DOC2A: variants seen among roughly 807,000 people sequenced by gnomAD.
DOC2A encodes the protein double C2 domain alpha.
DOC2A carries 28 observed loss-of-function variants against 40.6 expected under a neutral mutation model. The ratio of observed to expected loss-of-function variants is 0.69; its 90% CI spans 0.51 to 0.95. The LOEUF is 0.95. DOC2A is among the 40% of genes least tolerant of loss of function. The pLI, the probability that DOC2A is intolerant of heterozygous loss-of-function variation, is 0.00. For missense variants in DOC2A, 474 were observed against 552.5 expected (o/e 0.86, Z 1.42); for synonymous variants, 241 against 236.9 (o/e 1.02, Z -0.16).
chr16:30,010,342 TAGGTGTCGAG>T lies in DOC2A; in HGVS notation c.-13-117_-13-108del. ...TGGGGCCCTCACTGGCCTCCCTTCC[TAGGTGTCGAG>T]GGAGAGGGTGGTGTGTGCCAGCCGG... is the stretch of plus-strand genomic sequence containing the variant. On this transcript the variant is annotated intron_variant, in intron 1 of 10. Transcript: ENST00000350119. This position sits in a 1 kb window ranked among gnomAD's most constrained non-coding sequence, Gnocchi z 4.2. The T allele has an allele frequency of 6.8e-7, 1 of 1,474,698 alleles. No homozygotes were observed. Among genetic ancestry groups the T allele is most frequent in the Non-Finnish European group, 9.3e-7 (1 of 1,069,654 alleles). 91.4% of individuals were successfully genotyped at this position (1,474,698 alleles called of 1,614,324 possible).
Position 30,006,018 on chromosome 16 carries a change from A to G in DOC2A, c.*168T>C. The G allele has an allele frequency of 2.7e-6, 2 of 737,682 alleles. No homozygotes were observed. Among genetic ancestry groups the G allele is most frequent in the Non-Finnish European group, 4.3e-6 (2 of 461,906 alleles). The allele number at this position is 737,682 out of a possible 1,614,324, so 45.7% of individuals were successfully genotyped here. A position where few individuals can be genotyped will look rare whatever the true frequency, so the allele number is the denominator to read the frequency against. ...GCAGGAGGTTTGCATATGTGAATAT[A>G]GAACTCCGCAGCCCCTCATGAGCAG... On this transcript the variant is annotated 3_prime_UTR_variant, in exon 11 of 11. Transcript: ENST00000350119. This position sits in a 1 kb window ranked among gnomAD's most constrained non-coding sequence, Gnocchi z 6.2.
At position 30,009,943 on chromosome 16, in the gene DOC2A, C is replaced by T. The variant is rs747854031; in HGVS notation, c.262+18G>A. The T allele has an allele frequency of 5.0e-6, 8 of 1,610,886 alleles. No homozygotes were observed. Among genetic ancestry groups the T allele is most frequent in the Non-Finnish European group, 6.8e-6 (8 of 1,179,646 alleles). On this transcript the variant is annotated intron_variant, in intron 2 of 10. Transcript: ENST00000350119. The surrounding 1 kb of genome is among the most constrained non-coding windows in gnomAD (Gnocchi z 4.1). Reference sequence around the variant, plus strand: ...AGACCCCCACCAGCACATGGGGCCTCCAAGCCCCCAGACTCACTGGCATCA... The same window carrying T: ...AGACCCCCACCAGCACATGGGGCCTTCAAGCCCCCAGACTCACTGGCATCA...
chr16:30,010,955 G>A lies in DOC2A; in HGVS notation c.-66C>T. 9.9e-7 allele frequency: 1 copy of A among 1,011,396 alleles called. No homozygotes were observed. The highest frequency in any genetic ancestry group is 1.2e-6 in the Non-Finnish European group (1 of 845,644). The allele number at this position is 1,011,396 out of a possible 1,614,324, so 62.7% of individuals were successfully genotyped here. ...TGGGGGGACGGCGGGCGCAGGCTGG[G>A]CGGCGGCGGCCGGCGAGGAGAGCGC... On this transcript the variant is annotated 5_prime_UTR_variant, in exon 1 of 11. Coordinates refer to ENST00000350119, the MANE Select transcript of DOC2A (RefSeq NM_003586.3). This position sits in a 1 kb window ranked among gnomAD's most constrained non-coding sequence, Gnocchi z 4.2.
chr16:30,006,212 C>T lies in DOC2A; in HGVS notation c.1177G>A (p.Ala393Thr). ...CAGGCTGAGGACAGAGCCCCGGCCG[C>T]AGGGGGCAGCTCACTGGTCAGGGTG... ...WHTLTSELPP[A>T]AGALSSA is the part of the protein sequence containing the mutation. Residue 393 changes from alanine to threonine, a missense_variant, in exon 11 of 11, where the codon GCG becomes ACG. Ala to Thr is a moderately conservative substitution (Grantham distance 58, BLOSUM62 0). Coordinates refer to ENST00000350119, the MANE Select transcript of DOC2A (RefSeq NM_003586.3). The surrounding 1 kb of genome is among the most constrained non-coding windows in gnomAD (Gnocchi z 6.2). The T allele has an allele frequency of 6.3e-7, 1 of 1,587,444 alleles. No homozygotes were observed. The highest frequency in any genetic ancestry group is 8.6e-7 in the Non-Finnish European group (1 of 1,168,372).
chr16:30,007,299 C>T lies in DOC2A; in HGVS notation c.528G>A (p.Arg176=). 3.7e-6 allele frequency: 6 copies of T among 1,613,812 alleles called. No homozygotes were observed. The highest frequency in any genetic ancestry group is 5.1e-6 in the Non-Finnish European group (6 of 1,180,036). ...GCTTGTCCTCATCACAGACGGCGATCCTGGTCGGGAACTGCAGTGTCAGGG... is the reference window on the plus strand; with the variant it reads ...GCTTGTCCTCATCACAGACGGCGATTCTGGTCGGGAACTGCAGTGTCAGGG... The part of the protein sequence containing the change: ...TDDDITHKVL[R]IAVCDEDKLS... Residue 176 remains arginine (R), a splice_region_variant and synonymous_variant, in exon 6 of 11, where the codon AGG becomes AGA. Coordinates refer to ENST00000350119, the MANE Select transcript of DOC2A (RefSeq NM_003586.3).
At chr16:30,018,353 C>A (rs1394607696) in intron 1 of DOC2A, among the ~76,000 whole-genome samples, 1 of 151,902 alleles carries the variant, frequency 6.6e-6, no homozygotes, top group Non-Finnish European at 1.5e-5. Flanking sequence ...AGATGGGATT[C>A]TCTGTCACCC....
rs369857979 is a variant in DOC2A, at chr16:30,009,019, G to A, written c.504C>T (p.Asp168=). Reference sequence around the variant, plus strand: ...ACCTGAGCACCTTGTGCGTGATGTCGTCATCTGTGATCCCGCTGTAAGTCA... The same window carrying A: ...ACCTGAGCACCTTGTGCGTGATGTCATCATCTGTGATCCCGCTGTAAGTCA... ...EDLTYSGITD[D]DITHKVLRIA... is the part of the protein sequence containing the mutation. Residue 168 remains aspartate, a synonymous_variant, in exon 5 of 11, where the codon GAC becomes GAT. Coordinates refer to ENST00000350119, the MANE Select transcript of DOC2A (RefSeq NM_003586.3). This position sits in a 1 kb window ranked among gnomAD's most constrained non-coding sequence, Gnocchi z 4.1. 5.8e-5 allele frequency: 93 copies of A among 1,613,542 alleles called. No homozygotes were observed. Among genetic ancestry groups the A allele is most frequent in the Middle Eastern group, 1.7e-4 (1 of 5,876 alleles).
rs201903058 is a variant in DOC2A, at chr16:30,010,087, C to T, written c.136G>A (p.Gly46Ser). Residue 46 changes from glycine (G) to serine (S), a missense_variant, in exon 2 of 11, where the codon GGC becomes AGC. Gly to Ser is a moderately conservative substitution (Grantham distance 56). Coordinates refer to ENST00000350119, the MANE Select transcript of DOC2A (RefSeq NM_003586.3). This position sits in a 1 kb window ranked among gnomAD's most constrained non-coding sequence, Gnocchi z 4.2. ...GCGGGGGCCTCCCCGCCGCCCCCGC[C>T]GCCCCCTTCAGGTCCTGGTCCCCGG... ...FPRGPGPEGG[G>S]GGGGEAPAHL... 2.3e-5 allele frequency: 37 copies of T among 1,612,548 alleles called. No individual in the cohort carries two copies. The highest frequency in any genetic ancestry group is 1.3e-4 in the East Asian group (6 of 44,862).
chr16:30,010,034 G>A lies in DOC2A; in HGVS notation c.189C>T (p.Pro63=). The change falls in exon 2 of 11, where the codon CCC becomes CCT. Residue 63 remains proline, a synonymous_variant. Coordinates refer to ENST00000350119, the MANE Select transcript of DOC2A (RefSeq NM_003586.3). The surrounding 1 kb of genome is among the most constrained non-coding windows in gnomAD (Gnocchi z 4.2). ...TGGTGGCCCCAAGGAGGGCTGCAGG[G>A]GGGGCCAGAGCCAGGGGGACCAGAT... The part of the protein sequence containing the change: ...PAHLVPLALA[P]PAALLGATTP... The A allele has an allele frequency of 6.2e-7, 1 of 1,612,106 alleles. No individual in the cohort carries two copies. The highest frequency in any genetic ancestry group is 8.5e-7 in the Non-Finnish European group (1 of 1,179,672).
At position 30,005,859 on chromosome 16, in the gene DOC2A, C is replaced by T; in HGVS notation, c.*327G>A. The T allele has an allele frequency of 2.1e-6, 1 of 486,622 alleles. No homozygotes were observed. The highest frequency in any genetic ancestry group is 3.7e-6 in the Non-Finnish European group (1 of 273,594). The allele number at this position is 486,622 out of a possible 1,614,324, so 30.1% of individuals were successfully genotyped here. A position where few individuals can be genotyped will look rare whatever the true frequency, so the allele number is the denominator to read the frequency against. On this transcript the variant is annotated 3_prime_UTR_variant, in exon 11 of 11. Transcript: ENST00000350119. ...AACCTCCCCTAATCCGACCTCCTCC[C>T]TGTTGGGGGAGAGGGACGGGGCAGC...
Position 30,010,783 on chromosome 16 carries a change from G to T in DOC2A, c.-14+120C>A. On this transcript the variant is annotated intron_variant, in intron 1 of 10. Coordinates refer to ENST00000350119, the MANE Select transcript of DOC2A (RefSeq NM_003586.3). The surrounding 1 kb of genome is among the most constrained non-coding windows in gnomAD (Gnocchi z 4.2). ...ACCCCAGCCTCAGATGCCACCTCTG[G>T]CTCCTCAGGGGAGCCAGAAATTGCA... 1 of 732,082 alleles carries T rather than the reference G, an allele frequency of 1.4e-6. No homozygotes were observed. The highest frequency in any genetic ancestry group is 1.7e-6 in the Non-Finnish European group (1 of 590,750). 45.3% of individuals were successfully genotyped at this position (732,082 alleles called of 1,614,324 possible). A position where few individuals can be genotyped will look rare whatever the true frequency, so the allele number is the denominator to read the frequency against.
At position 30,010,033 on chromosome 16, in the gene DOC2A, G is replaced by C. The variant is rs745882272; in HGVS notation, c.190C>G (p.Pro64Ala). 9 of 1,612,034 alleles carry C rather than the reference G, an allele frequency of 5.6e-6. No individual in the cohort carries two copies. The highest frequency in any genetic ancestry group is 1.7e-5 in the Admixed American group (1 of 59,990). ...AHLVPLALAP[P>A]AALLGATTPE... Reference sequence around the variant, plus strand: ...GTGGTGGCCCCAAGGAGGGCTGCAGGGGGGGCCAGAGCCAGGGGGACCAGA... The same window carrying C: ...GTGGTGGCCCCAAGGAGGGCTGCAGCGGGGGCCAGAGCCAGGGGGACCAGA... The change falls in exon 2 of 11, where the codon CCT becomes GCT. Residue 64 changes from proline to alanine, a missense_variant. Transcript: ENST00000350119. This position sits in a 1 kb window ranked among gnomAD's most constrained non-coding sequence, Gnocchi z 4.2.
chr16:30,015,469 T>C (rs1334384783), upstream of DOC2A, among the ~76,000 whole-genome samples: 2 of 152,008 alleles, frequency 1.3e-5, no homozygotes, highest in African/African-American at 4.8e-5. Flanking sequence ...GCACCCGCCA[T>C]CATGCTCGGC....
In DOC2A at chr16:30,010,162, C is replaced by G. The variant is rs755268552; in HGVS notation, c.61G>C (p.Val21Leu). Reference sequence around the variant, plus strand: ...ATGGGCCGGATGGGCCCGGGGCACACGTTGATGGCCATGTGCTCCTGGATG... The same window carrying G: ...ATGGGCCGGATGGGCCCGGGGCACAGGTTGATGGCCATGTGCTCCTGGATG... ...INIQEHMAIN[V>L]CPGPIRPIRQ... Residue 21 changes from valine (V) to leucine (L), a missense_variant, in exon 2 of 11, where the codon GTG becomes CTG. Val to Leu is a conservative substitution (Grantham distance 32, BLOSUM62 1). Coordinates refer to ENST00000350119, the MANE Select transcript of DOC2A (RefSeq NM_003586.3). The surrounding 1 kb of genome is among the most constrained non-coding windows in gnomAD (Gnocchi z 4.2). 1 of 1,613,866 alleles carries G rather than the reference C, an allele frequency of 6.2e-7. No homozygotes were observed. Among genetic ancestry groups the G allele is most frequent in the African/African-American group, 1.3e-5 (1 of 74,928 alleles).
chr16:30,007,386 G>T, intron 5 of DOC2A, 87 bp from the exon 6 acceptor site: 2 of 1,579,304 alleles, frequency 1.3e-6, no homozygotes, highest in Non-Finnish European at 1.7e-6. Context: ...GCCCAGCTCT[G>T]CCCTAAACAC....
chr16:30,007,355 T>G (rs1596698868), intron 5 of DOC2A, 56 bp from the exon 6 acceptor site: 2 of 1,612,004 alleles, frequency 1.2e-6, no homozygotes, highest in Non-Finnish European at 1.7e-6. Flanking sequence ...CGTTCCGGGG[T>G]GTAGGAAGGG....
At chr16:30,008,602 C>G (rs1412777354) in intron 5 of DOC2A, 2 of 260,886 alleles carry the variant, frequency 7.7e-6, no homozygotes, top group Non-Finnish European at 1.5e-5. Flanking sequence ...CTCCCGGGTT[C>G]AAGTGATCCT....
chr16:30,006,775 A>G lies in DOC2A; in HGVS notation c.878+10T>C. On this transcript the variant is annotated intron_variant, in intron 8 of 10. Transcript: ENST00000350119. The surrounding 1 kb of genome is among the most constrained non-coding windows in gnomAD (Gnocchi z 6.2). ...TCCCTGGGGAGGAGAGGGTCAGAGC[A>G]AGGGCTCACGTCTTGACGTAGGGGT... is the stretch of plus-strand genomic sequence containing the variant. 1.2e-6 allele frequency: 2 copies of G among 1,613,794 alleles called. No individual in the cohort carries two copies. The highest frequency in any genetic ancestry group is 8.5e-7 in the Non-Finnish European group (1 of 1,179,944).
Position 30,010,213 on chromosome 16 carries a change from G to A in DOC2A, c.10C>T (p.Arg4Cys), listed in dbSNP as rs1199858945. 4.3e-6 allele frequency: 7 copies of A among 1,613,704 alleles called. No individual in the cohort carries two copies. Among genetic ancestry groups the A allele is most frequent in the Admixed American group, 1.7e-5 (1 of 60,012 alleles). Residue 4 changes from arginine (R) to cysteine (C), a missense_variant, in exon 2 of 11, where the codon CGC (arginine) becomes TGC (cysteine). By Grantham distance (180) the Arg-to-Cys change is radical. Coordinates refer to ENST00000350119, the MANE Select transcript of DOC2A (RefSeq NM_003586.3). This position sits in a 1 kb window ranked among gnomAD's most constrained non-coding sequence, Gnocchi z 4.2. ...TTGATGGTCATGCGATCGCCCCTGC[G>A]GCCCCTCATGCAGCACCCCTGGCTA... MRG[R>C]RGDRMTINIQ...
Sources: allele counts gnomAD v4.1 joint callset (sites outside exome capture counted in the v4.1 genomes callset), GRCh38; gene constraint gnomAD v4.1.1; non-coding constraint Gnocchi (gnomAD v3.1); transcripts MANE v1.5; gene names NCBI Gene and HGNC (gene_info 2026-07-23, HGNC 2026-07-21).